DOCK4: variants seen among roughly 807,000 people sequenced by gnomAD.
DOCK4 encodes dedicator of cytokinesis 4.
DOCK4 carries 97 observed loss-of-function variants against 268.1 expected under a neutral mutation model. That is an observed-to-expected ratio of 0.36 (90% CI 0.31 to 0.43). The LOEUF (loss-of-function observed/expected upper bound fraction) is 0.43, where lower values mean the gene tolerates loss of function less well. DOCK4 is among the 20% of genes least tolerant of loss of function. The pLI is 1.00. For synonymous variants in DOCK4, 954 were observed against 887.2 expected, an observed-to-expected ratio of 1.08 and a Z score of -1.34; for missense variants, 2,145 against 2,455.7, an observed-to-expected ratio of 0.87 and a Z score of 2.67.
intron 47 of DOCK4, chr7:111,740,227 G>A (rs1795811312): frequency 3.3e-6 from 1 of 307,220 alleles, no homozygotes; most frequent in African/African-American, 2.3e-5. Context: ...AGCCTCCCGA[G>A]TAGCTGGGAT....
chr7:111,898,311 A>G (rs959334104), intron 15 of DOCK4, among the ~76,000 whole-genome samples: 1 of 152,214 alleles, frequency 6.6e-6, no homozygotes, highest in African/African-American at 2.4e-5. Flanking sequence ...AATAGTCTCA[A>G]TGGCTCAGGC....
In DOCK4 at chr7:111,900,631, C is replaced by T. The variant is rs567686575; in HGVS notation, c.1318-95G>A. The T allele has an allele frequency of 4.6e-6, 6 of 1,291,010 alleles. No homozygotes were observed. In the South Asian group the frequency reaches 8.8e-5, roughly 19 times the overall value. 80.0% of individuals were successfully genotyped at this position (1,291,010 alleles called of 1,614,324 possible). On this transcript the variant is annotated intron_variant, in intron 14 of 52. Transcript: ENST00000428084. ...CACTTTGCTCTATCTGCCTGCCTCTCAAATAGCACTATGAAATTACCTCGC... is the reference window on the plus strand; with the variant it reads ...CACTTTGCTCTATCTGCCTGCCTCTTAAATAGCACTATGAAATTACCTCGC...
At chr7:111,899,040 C>T (rs1790905768) in intron 15 of DOCK4, among the ~76,000 whole-genome samples, 1 of 152,102 alleles carries the variant, frequency 6.6e-6, no homozygotes, top group African/African-American at 2.4e-5. Context: ...AGTATGGCAC[C>T]ATTCTAAGTC....
chr7:111,983,206 A>G (rs1798742343), intron 7 of DOCK4, among the ~76,000 whole-genome samples: 1 of 152,242 alleles, frequency 6.6e-6, no homozygotes, highest in African/African-American at 2.4e-5. Context: ...TGGAAGCAAT[A>G]TTAAGAACTG....
At chr7:112,065,520 C>T (rs970631991) in intron 1 of DOCK4, among the ~76,000 whole-genome samples, 2 of 150,474 alleles carry the variant, frequency 1.3e-5, no homozygotes, top group Non-Finnish European at 3.0e-5. Context: ...ACCATGTCTA[C>T]GTTTTAAAAA....
At chr7:111,747,489 A>C in intron 42 of DOCK4, 46 bp from the exon 43 acceptor site, 2 of 1,508,950 alleles carry the variant, frequency 1.3e-6, no homozygotes, top group Non-Finnish European at 8.9e-7. Context: ...TGTGACATTC[A>C]AGAAGAAAGA....
At chr7:111,747,049 C>A (rs529363812) in intron 43 of DOCK4, among the ~76,000 whole-genome samples, 1 of 152,214 alleles carries the variant, frequency 6.6e-6, no homozygotes, top group African/African-American at 2.4e-5. Flanking sequence ...AACACACACA[C>A]ACACATTTTT....
chr7:111,936,234 G>C (rs1200031992), intron 11 of DOCK4, among the ~76,000 whole-genome samples: 3 of 152,186 alleles, frequency 2.0e-5, no homozygotes, highest in Non-Finnish European at 4.4e-5. Flanking sequence ...AGACTGGCAG[G>C]ATTTACCAAA....
intron 36 of DOCK4, among the ~76,000 whole-genome samples, chr7:111,775,116 T>C (rs1250388388): frequency 2.6e-5 from 4 of 152,314 alleles, no homozygotes; most frequent in Middle Eastern, 3.4e-3. Context: ...ACAGAATTAA[T>C]AGAACTTCAT....
intron 12 of DOCK4, among the ~76,000 whole-genome samples, chr7:111,924,117 C>T (rs934947678): frequency 6.6e-6 from 1 of 152,064 alleles, no homozygotes; most frequent in Non-Finnish European, 1.5e-5. Flanking sequence ...TTTTCTTTTT[C>T]ATTAGAAATC....
At chr7:112,052,104 C>A (rs1805410956) in intron 1 of DOCK4, among the ~76,000 whole-genome samples, 1 of 152,004 alleles carries the variant, frequency 6.6e-6, no homozygotes, top group African/African-American at 2.4e-5. Context: ...ACTTATGATA[C>A]CTAACACAAT....
chr7:112,066,670 C>CAT (rs1221626143), intron 1 of DOCK4, among the ~76,000 whole-genome samples: 2 of 51,676 alleles, frequency 3.9e-5, no homozygotes, highest in Non-Finnish European at 7.5e-5. Context: ...TATACATATA[C>CAT]ATATACATAT....
intron 24 of DOCK4, 139 bp from the exon 25 acceptor site, chr7:111,845,036 C>A (rs1803988141): frequency 4.9e-6 from 6 of 1,222,860 alleles, no homozygotes; most frequent in Admixed American, 2.4e-5. Context: ...TTACAGTAAA[C>A]AAAGGCACAG....
intron 16 of DOCK4, 90 bp from the exon 17 acceptor site, chr7:111,877,276 C>G (rs1806977910): frequency 1.8e-6 from 2 of 1,100,648 alleles, no homozygotes; most frequent in South Asian, 7.8e-5. Flanking sequence ...TGTTTATAAA[C>G]TGGGAAACAT....
chr7:111,895,082 C>CT (rs35256478), intron 16 of DOCK4, among the ~76,000 whole-genome samples: 75,178 of 152,054 alleles, frequency 0.49, 21,164 homozygotes, highest in African/African-American at 0.78. Context: ...ACAAGGGGTT[C>CT]TCCTTTGCAA....
At chr7:111,937,793 C>A (rs1794863277) in intron 11 of DOCK4, among the ~76,000 whole-genome samples, 2 of 152,290 alleles carry the variant, frequency 1.3e-5, no homozygotes, top group Middle Eastern at 6.8e-3. Context: ...CAGTCCTGAC[C>A]TCAAATCTGC....
intron 16 of DOCK4, among the ~76,000 whole-genome samples, chr7:111,887,680 C>T (rs1305805190): frequency 6.6e-6 from 1 of 151,052 alleles, no homozygotes; most frequent in Non-Finnish European, 1.5e-5. Context: ...GAAGCAGAGG[C>T]AATGAGGGAA....
intron 45 of DOCK4, 87 bp from the exon 46 acceptor site, chr7:111,741,748 T>A: frequency 6.8e-7 from 1 of 1,479,784 alleles, no homozygotes; most frequent in South Asian, 1.4e-5. Flanking sequence ...TAGGCACACA[T>A]CCTAATTGCC....
intron 49 of DOCK4, 55 bp from the exon 50 acceptor site, chr7:111,737,044 T>G: frequency 2.0e-6 from 3 of 1,485,018 alleles, no homozygotes; most frequent in Non-Finnish European, 2.8e-6. Context: ...ATGTGAAACC[T>G]TTCAGAAAAT....
Sources: allele counts gnomAD v4.1 joint callset (sites outside exome capture counted in the v4.1 genomes callset), GRCh38; gene constraint gnomAD v4.1.1; transcripts MANE v1.5; gene names NCBI Gene and HGNC (gene_info 2026-07-23, HGNC 2026-07-21).